The following BCL2L1 variants were observed in gnomAD, a reference collection of about 807,000 sequenced individuals.
BCL2L1 encodes the protein bcl-2-like protein 1.
In BCL2L1, 1 loss-of-function variant was observed where a neutral mutation model predicts 18.7. The ratio of observed to expected loss-of-function variants is 0.05; its 90% CI spans 0.02 to 0.25. The LOEUF (loss-of-function observed/expected upper bound fraction) is 0.25. Among genes scored for constraint, BCL2L1 ranks in the 10% least tolerant of loss-of-function variants. The pLI is 1.00. For missense variants in BCL2L1, 207 were observed against 304.9 expected (o/e 0.68, Z 2.39); for synonymous variants, 103 against 122.7 (o/e 0.84, Z 1.06).
chr20:31,723,557 G>A (rs1022967638), upstream of BCL2L1: 2 of 984,644 alleles, frequency 2.0e-6, no homozygotes, highest in African/African-American at 1.7e-5. Flanking sequence ...CCGCCCCGTT[G>A]CTAGGCAACC....
chr20:31,684,711 C>A (rs535275682), intron 2 of BCL2L1, among the ~76,000 whole-genome samples: 4 of 152,340 alleles, frequency 2.6e-5, no homozygotes, highest in Admixed American at 2.6e-4. Context: ...CCTCGGGGAT[C>A]CAAACCCTAT....
chr20:31,700,179 C>CATCTT (rs1379728978), intron 2 of BCL2L1, among the ~76,000 whole-genome samples: 1 of 152,226 alleles, frequency 6.6e-6, no homozygotes, highest in African/African-American at 2.4e-5. Context: ...GCATCTTCAG[C>CATCTT]ATGTAGCACA....
intron 2 of BCL2L1, among the ~76,000 whole-genome samples, chr20:31,711,122 T>C (rs954675139): frequency 6.6e-6 from 1 of 152,162 alleles, no homozygotes; most frequent in Non-Finnish European, 1.5e-5. Flanking sequence ...GATGATTATA[T>C]TGAGGGGATA....
upstream of BCL2L1, chr20:31,723,756 G>T (rs2061673212): frequency 1.0e-6 from 1 of 985,388 alleles, no homozygotes; most frequent in Non-Finnish European, 1.2e-6. Context: ...GCGAGCCGTG[G>T]GGGGCCACAT....
chr20:31,681,893 A>G (rs1029240892), intron 2 of BCL2L1, among the ~76,000 whole-genome samples: 1 of 152,014 alleles, frequency 6.6e-6, no homozygotes, highest in Non-Finnish European at 1.5e-5. Context: ...GTGGATGGCA[A>G]TAAGATGAGG....
intron 2 of BCL2L1, among the ~76,000 whole-genome samples, chr20:31,667,972 A>C (rs751069093): frequency 6.6e-6 from 1 of 152,142 alleles, no homozygotes; most frequent in Non-Finnish European, 1.5e-5. Context: ...CAGGGCTTCC[A>C]TCACACCTGA....
intron 2 of BCL2L1, among the ~76,000 whole-genome samples, chr20:31,712,063 C>A (rs2061461823): frequency 6.6e-6 from 1 of 152,118 alleles, no homozygotes; most frequent in South Asian, 2.1e-4. Context: ...GTAAGAGAGA[C>A]CTGGTTTCAA....
intron 2 of BCL2L1, among the ~76,000 whole-genome samples, chr20:31,697,892 G>GTTTTTTTTTGTTTGTTTTTTTT (rs1555871506): frequency 7.7e-6 from 1 of 129,640 alleles, no homozygotes; most frequent in African/African-American, 3.3e-5. Context: ...TGCTGTTGCT[G>GTTTTTTTTTGTTTGTTTTTTTT]TTTTTTTTTT....
intron 2 of BCL2L1, among the ~76,000 whole-genome samples, chr20:31,669,731 C>T (rs2060638398): frequency 6.6e-6 from 1 of 152,102 alleles, no homozygotes; most frequent in Non-Finnish European, 1.5e-5. Flanking sequence ...AGCCACTGCC[C>T]TCGGCCTATA....
At position 31,678,789 on chromosome 20, in the gene BCL2L1, C is replaced by T. The variant is rs566394583; in HGVS notation, c.565-12703G>A. ...CCGCCTCCAACTAGTCCAGACAAGT[C>T]CCAAGTATTTTCAGCCACCTTTATC... On this transcript the variant is annotated intron_variant, in intron 2 of 2. Transcript: ENST00000307677. 1.0e-3 allele frequency among the ~76,000 whole-genome samples: 157 copies of T among 152,280 alleles called. 4 individuals carry two copies. In the South Asian group the frequency reaches 0.032, roughly 31 times the overall value.
At chr20:31,680,323 T>C (rs1039395917) in intron 2 of BCL2L1, among the ~76,000 whole-genome samples, 2 of 152,224 alleles carry the variant, frequency 1.3e-5, no homozygotes, top group African/African-American at 2.4e-5. Flanking sequence ...ACTGAGAATC[T>C]GCTATTCTTA....
chr20:31,699,929 C>T (rs1404702434), intron 2 of BCL2L1, among the ~76,000 whole-genome samples: 1 of 152,140 alleles, frequency 6.6e-6, no homozygotes, highest in East Asian at 1.9e-4. Context: ...AGATCACCTC[C>T]ATCTATAACA....
At chr20:31,709,079 T>G (rs1486741986) in intron 2 of BCL2L1, among the ~76,000 whole-genome samples, 2 of 152,178 alleles carry the variant, frequency 1.3e-5, no homozygotes, top group Non-Finnish European at 2.9e-5. Flanking sequence ...TACTGAGACC[T>G]AACTGCATCC....
chr20:31,684,344 G>A (rs909698731), intron 2 of BCL2L1, among the ~76,000 whole-genome samples: 8 of 152,200 alleles, frequency 5.3e-5, no homozygotes, highest in East Asian at 3.9e-4. Flanking sequence ...GGGCTGCACC[G>A]TGGGTGACAG....
intron 2 of BCL2L1, among the ~76,000 whole-genome samples, chr20:31,697,911 G>C (rs1010036780): frequency 3.4e-4 from 26 of 75,696 alleles, no homozygotes; most frequent in Admixed American, 1.2e-3. Context: ...TTTTTGAGAC[G>C]GAGTCTCGCT....
intron 2 of BCL2L1, among the ~76,000 whole-genome samples, chr20:31,676,188 C>A (rs913970373): frequency 1.3e-5 from 2 of 152,142 alleles, no homozygotes; most frequent in Non-Finnish European, 2.9e-5. Flanking sequence ...GGGCTCATAA[C>A]CTCCTTCCCT....
At chr20:31,672,861 CT>C (rs111836967) in intron 2 of BCL2L1, among the ~76,000 whole-genome samples, 51 of 147,682 alleles carry the variant, frequency 3.5e-4, no homozygotes, top group South Asian at 3.2e-3. Context: ...ACATTTCCTT[CT>C]TTTTTTTTTT....
chr20:31,682,688 C>T (rs545060300), intron 2 of BCL2L1, among the ~76,000 whole-genome samples: 1 of 152,272 alleles, frequency 6.6e-6, no homozygotes, highest in South Asian at 2.1e-4. Context: ...CTACTGAGCT[C>T]AAGCTATTCT....
At chr20:31,702,535 T>C (rs372645241) in intron 2 of BCL2L1, among the ~76,000 whole-genome samples, 4 of 151,924 alleles carry the variant, frequency 2.6e-5, no homozygotes, top group Non-Finnish European at 5.9e-5. Context: ...TTTTTTGAGA[T>C]GGAGTTTTGC....
Sources: allele counts gnomAD v4.1 joint callset (sites outside exome capture counted in the v4.1 genomes callset), GRCh38; gene constraint gnomAD v4.1.1; transcripts MANE v1.5; gene names NCBI Gene and HGNC (gene_info 2026-07-23, HGNC 2026-07-21).